The following MIIP variants were observed in gnomAD, a reference collection of about 807,000 sequenced individuals.
The protein encoded by MIIP is migration and invasion inhibitory protein.
In MIIP, 44 loss-of-function variants were observed where a neutral mutation model predicts 44.8. The observed-to-expected ratio is 0.98, with a 90% CI of 0.77 to 1.26. The LOEUF (loss-of-function observed/expected upper bound fraction) is 1.26. Ranked by LOEUF, MIIP falls within the 50% of genes most tolerant of loss-of-function variation. MIIP has a pLI of 0.00. For missense variants in MIIP, 496 were observed against 511.7 expected (o/e 0.97, Z 0.30); for synonymous variants, 225 against 218.3 (o/e 1.03, Z -0.27).
chr1:12,031,746 C>T lies in MIIP; in HGVS notation c.1105C>T (p.Pro369Ser). The change falls in exon 10 of 10, where the codon CCG (proline) becomes TCG (serine). Residue 369 changes from proline (P) to serine (S), a missense_variant. Pro to Ser is a moderately conservative substitution (Grantham distance 74). Transcript: ENST00000235332. ...GGCCTCACCAATGCAGATGCTGCCC[C>T]CGACCCCGACCTGGTCAGTGCCCCA... ...HPASPMQMLPPTPTWSVPQVP... is the reference protein window; with the variant it reads ...HPASPMQMLPSTPTWSVPQVP... The T allele has an allele frequency of 2.5e-6, 4 of 1,614,080 alleles. No homozygotes were observed. Among genetic ancestry groups the T allele is most frequent in the African/African-American group, 1.3e-5 (1 of 75,030 alleles).
chr1:12,023,380 T>TTTTATTTA (rs1557549806), intron 4 of MIIP, among the ~76,000 whole-genome samples: 26 of 81,464 alleles, frequency 3.2e-4, no homozygotes, highest in African/African-American at 9.4e-4. Flanking sequence ...TTCTTTGTTT[T>TTTTATTTA]CTTATTTATT....
chr1:12,029,261 G>T lies in MIIP; in HGVS notation c.695G>T (p.Gly232Val). ...LPGLRESSGS[G>V]VEEDHECVYC... ...GGCCTGCGTGAGAGCAGTGGCAGCG[G>T]CGTGGAGGAAGACCATGAATGTGAG... The change falls in exon 6 of 10, where the codon GGC becomes GTC. Residue 232 changes from glycine (G) to valine (V), a missense_variant. Transcript: ENST00000235332. 2 of 1,613,530 alleles carry T rather than the reference G, an allele frequency of 1.2e-6. No homozygotes were observed. Among genetic ancestry groups the T allele is most frequent in the Non-Finnish European group, 1.7e-6 (2 of 1,179,850 alleles).
In MIIP at chr1:12,030,132, G is replaced by A; in HGVS notation, c.942+8G>A. On this transcript the variant is annotated splice_region_variant and intron_variant, in intron 8 of 9. Transcript: ENST00000235332. ...ACACTGGCCCTGCCCCGGGTGAGCA[G>A]CCACGTGGGGCTGGATGGTGATGAG... 1 of 1,611,652 alleles carries A rather than the reference G, an allele frequency of 6.2e-7. No individual in the cohort carries two copies. Among genetic ancestry groups the A allele is most frequent in the African/African-American group, 1.3e-5 (1 of 74,988 alleles).
intron 4 of MIIP, among the ~76,000 whole-genome samples, chr1:12,027,421 C>G (rs1003635629): frequency 6.6e-6 from 1 of 152,184 alleles, no homozygotes; most frequent in African/African-American, 2.4e-5. Flanking sequence ...AGCCCTCATC[C>G]ACATCTTCCT....
At chr1:12,022,000 G>A (rs1429640441) in intron 2 of MIIP, 95 bp from the exon 3 acceptor site, 22 of 1,407,598 alleles carry the variant, frequency 1.6e-5, no homozygotes, top group South Asian at 1.4e-4. Flanking sequence ...TGCTGAGGCC[G>A]GAGCAGGATG....
At chr1:12,028,633 C>G in intron 4 of MIIP, 1 of 181,222 alleles carries the variant, frequency 5.5e-6, no homozygotes, top group Non-Finnish European at 1.2e-5. Context: ...ACGCTGCTCT[C>G]TTGCTTTCTG....
chr1:12,021,976 C>A, intron 2 of MIIP, 119 bp from the exon 3 acceptor site: 1 of 1,300,300 alleles, frequency 7.7e-7, no homozygotes, highest in Non-Finnish European at 1.1e-6. Flanking sequence ...AGGGAAGAGA[C>A]TGGCCTTGGT....
chr1:12,021,490 A>C (rs1218444172), intron 1 of MIIP, among the ~76,000 whole-genome samples, 155 bp from the exon 2 acceptor site: 1 of 152,202 alleles, frequency 6.6e-6, no homozygotes, highest in African/African-American at 2.4e-5. Context: ...CAATCGTATG[A>C]GGTAGATACT....
rs1639979830 is a variant in MIIP at position 12,021,747 on chromosome 1, G to C, written c.21G>C (p.Leu7=). 1.2e-6 allele frequency: 2 copies of C among 1,612,940 alleles called. No individual in the cohort carries two copies. The highest frequency in any genetic ancestry group is 1.3e-5 in the African/African-American group (1 of 75,018). MVEAEE[L]AQLRLLNLEL... The stretch of plus-strand genomic sequence containing the variant: ...CCAGGATGGTGGAGGCTGAGGAACT[G>C]GCACAGCTGCGGCTGCTCAATCTGG... The change falls in exon 2 of 10, where the codon CTG becomes CTC. Residue 7 remains leucine, a synonymous_variant. Transcript: ENST00000235332.
chr1:12,023,717 C>T (rs185899643), intron 4 of MIIP, among the ~76,000 whole-genome samples: 68 of 150,810 alleles, frequency 4.5e-4, no homozygotes, highest in African/African-American at 1.5e-3. Context: ...GAAGACAGGC[C>T]GGGCACGGTG....
rs771058460 is a variant in MIIP, at chr1:12,029,885, C to G, written c.836C>G (p.Ala279Gly). Reference protein sequence around the residue: ...QQGPGTLAQPAHVRVSIPLSI... With the variant: ...QQGPGTLAQPGHVRVSIPLSI... ...GGCCCTGGGACCCTGGCGCAGCCAG[C>G]GCACGTCAGGTGAGTGACCAGAGTA... The change falls in exon 7 of 10, where the codon GCG becomes GGG. Residue 279 changes from alanine to glycine, a missense_variant. Coordinates refer to ENST00000235332, the MANE Select transcript of MIIP (RefSeq NM_021933.4). 10 of 1,612,552 alleles carry G rather than the reference C, an allele frequency of 6.2e-6. No homozygotes were observed. The highest frequency in any genetic ancestry group is 2.7e-5 in the African/African-American group (2 of 74,894).
Position 12,022,197 on chromosome 1 carries a change from G to C in MIIP, c.217G>C (p.Val73Leu). Residue 73 changes from valine to leucine, a missense_variant, in exon 3 of 10, where the codon GTG (valine) becomes CTG (leucine). Coordinates refer to ENST00000235332, the MANE Select transcript of MIIP (RefSeq NM_021933.4). ...STSCPRGRSS[V>L]WGPPDACRGD... ...CTCCTGCCCACGGGGCCGGTCCTCCGTGTGGGGCCCACCAGATGCCTGTCG... is the reference window on the plus strand; with the variant it reads ...CTCCTGCCCACGGGGCCGGTCCTCCCTGTGGGGCCCACCAGATGCCTGTCG... The C allele has an allele frequency of 2.5e-6, 4 of 1,613,468 alleles. No individual in the cohort carries two copies. Among genetic ancestry groups the C allele is most frequent in the Non-Finnish European group, 3.4e-6 (4 of 1,179,722 alleles).
chr1:12,022,340 A>G lies in MIIP; in HGVS notation c.360A>G (p.Ser120=). The G allele has an allele frequency of 6.2e-7, 1 of 1,613,700 alleles. No individual in the cohort carries two copies. Among genetic ancestry groups the G allele is most frequent in the Non-Finnish European group, 8.5e-7 (1 of 1,179,932 alleles). Residue 120 remains serine (S), a synonymous_variant, in exon 3 of 10, where the codon TCA becomes TCG. Coordinates refer to ENST00000235332, the MANE Select transcript of MIIP (RefSeq NM_021933.4). ...RPHSAPSLGT[S]SLRDPEPSGR... ...ACTCAGCACCCTCGCTGGGCACCTC[A>G]AGCCTGAGGGACCCAGAGCCCTCAG...
In MIIP at chr1:12,031,407, C is replaced by T. The variant is rs187039114; in HGVS notation, c.1080+4C>T. On this transcript the variant is annotated splice_donor_region_variant and intron_variant, in intron 9 of 9. Transcript: ENST00000235332. ...CACCAGCAGCCCTTTTCACCCGGTA[C>T]GGTCCAGATCGCATCCTAGCCTGGG... 540 of 1,611,000 alleles carry T rather than the reference C, an allele frequency of 3.4e-4. 5 individuals carry two copies. The East Asian group carries it at 4.6e-3, about 14-fold the overall frequency.
intron 8 of MIIP, among the ~76,000 whole-genome samples, chr1:12,030,360 A>G (rs1640212917): frequency 6.6e-6 from 1 of 151,934 alleles, no homozygotes; most frequent in South Asian, 2.1e-4. Flanking sequence ...CATGACATGA[A>G]TGGGTCCTGT....
chr1:12,031,125 A>G, intron 8 of MIIP, 141 bp from the exon 9 acceptor site: 1 of 972,874 alleles, frequency 1.0e-6, no homozygotes, highest in Non-Finnish European at 1.5e-6. Context: ...GAGCTGGGGT[A>G]GTCTTGTGGG....
At chr1:12,025,947 C>T (rs1236535578) in intron 4 of MIIP, among the ~76,000 whole-genome samples, 1 of 152,000 alleles carries the variant, frequency 6.6e-6, no homozygotes, top group Admixed American at 6.6e-5. Flanking sequence ...ATCTGCCCGC[C>T]TTGGCCTCCC....
In MIIP at chr1:12,031,842, C is replaced by T. The variant is rs984426082; in HGVS notation, c.*34C>T. ...TCCTGGGGGAGAACAGCATTCCCGC[C>T]GCCTCCAGCCTCTCCCCTCTGGCAG... On this transcript the variant is annotated 3_prime_UTR_variant, in exon 10 of 10. Coordinates refer to ENST00000235332, the MANE Select transcript of MIIP (RefSeq NM_021933.4). 20 of 1,591,070 alleles carry T rather than the reference C, an allele frequency of 1.3e-5. No individual in the cohort carries two copies. Among genetic ancestry groups the T allele is most frequent in the Non-Finnish European group, 1.5e-5 (17 of 1,161,280 alleles).
chr1:12,024,334 G>A (rs1165013046), intron 4 of MIIP, among the ~76,000 whole-genome samples: 1 of 152,142 alleles, frequency 6.6e-6, no homozygotes, highest in East Asian at 1.9e-4. Context: ...CTTCTGGCTG[G>A]TTTCCCCCTG....
Sources: allele counts gnomAD v4.1 joint callset (sites outside exome capture counted in the v4.1 genomes callset), GRCh38; gene constraint gnomAD v4.1.1; transcripts MANE v1.5; gene names NCBI Gene and HGNC (gene_info 2026-07-23, HGNC 2026-07-21).